ZFPM2: variants seen among roughly 807,000 people sequenced by gnomAD.
ZFPM2 encodes zinc finger protein, FOG family member 2, also known as zinc finger protein ZFPM2.
ZFPM2 carries 20 observed loss-of-function variants against 98.6 expected under a neutral mutation model. That is an observed-to-expected ratio of 0.20 (90% CI 0.14 to 0.29). The LOEUF (loss-of-function observed/expected upper bound fraction) is 0.29. Ranked by LOEUF, ZFPM2 falls within the 10% of genes least tolerant of loss-of-function variation. The pLI is 1.00. For missense variants in ZFPM2, 1,310 were observed against 1,388.6 expected (o/e 0.94, Z 0.90); for synonymous variants, 518 against 502.7 (o/e 1.03, Z -0.41).
chr8:105,796,615 G>T (rs753800980), intron 6 of ZFPM2, among the ~76,000 whole-genome samples: 1 of 151,434 alleles, frequency 6.6e-6, no homozygotes, highest in Non-Finnish European at 1.5e-5. Flanking sequence ...TCTCCTTATC[G>T]CCTTTAATGT....
chr8:105,583,124 T>C (rs1335440134), intron 4 of ZFPM2, among the ~76,000 whole-genome samples: 1 of 152,206 alleles, frequency 6.6e-6, no homozygotes, highest in East Asian at 1.9e-4. Context: ...GAAGCCAGTC[T>C]CTTTATTCCT....
At chr8:105,435,059 CAT>C (rs1812093862) in intron 2 of ZFPM2, among the ~76,000 whole-genome samples, 3 of 152,172 alleles carry the variant, frequency 2.0e-5, no homozygotes, top group Admixed American at 2.0e-4. Context: ...GATTCTGTTT[CAT>C]ATGTTTCAAA....
intron 1 of ZFPM2, among the ~76,000 whole-genome samples, chr8:105,371,751 CTAGAT>C (rs1298151582): frequency 1.3e-5 from 2 of 151,936 alleles, no homozygotes; most frequent in African/African-American, 4.8e-5. Flanking sequence ...AAATATGAGA[CTAGAT>C]TAGATTGTTA....
At chr8:105,777,592 G>A (rs966729010) in intron 5 of ZFPM2, among the ~76,000 whole-genome samples, 14 of 152,126 alleles carry the variant, frequency 9.2e-5, no homozygotes, top group Non-Finnish European at 1.9e-4. Flanking sequence ...GCCCTGCATT[G>A]CCTATATAGT....
chr8:105,442,823 T>A (rs1812281223), intron 2 of ZFPM2, among the ~76,000 whole-genome samples: 1 of 152,134 alleles, frequency 6.6e-6, no homozygotes, highest in Non-Finnish European at 1.5e-5. Flanking sequence ...TCATGTTAAA[T>A]GTCATTCATC....
intron 5 of ZFPM2, among the ~76,000 whole-genome samples, chr8:105,657,754 A>G (rs967613057): frequency 6.6e-6 from 1 of 152,224 alleles, no homozygotes; most frequent in Non-Finnish European, 1.5e-5. Context: ...CAATGTTATA[A>G]AGCTGGAGAA....
intron 4 of ZFPM2, among the ~76,000 whole-genome samples, chr8:105,575,970 A>G (rs1815456688): frequency 6.6e-6 from 1 of 152,188 alleles, no homozygotes; most frequent in Admixed American, 6.5e-5. Flanking sequence ...TAAGTGGGCT[A>G]TTTTTACTCT....
intron 4 of ZFPM2, among the ~76,000 whole-genome samples, chr8:105,585,668 A>G (rs190448099): frequency 6.6e-6 from 1 of 152,258 alleles, no homozygotes; most frequent in Admixed American, 6.5e-5. Context: ...ACTATACAGT[A>G]GGCAATTAGC....
chr8:105,752,495 CAGTT>C (rs1037249961), intron 5 of ZFPM2, among the ~76,000 whole-genome samples: 4 of 152,284 alleles, frequency 2.6e-5, no homozygotes, highest in South Asian at 2.1e-4. Flanking sequence ...AAACAGGAAA[CAGTT>C]GGTTGTTTGT....
At chr8:105,578,483 ATTC>A (rs1342551889) in intron 4 of ZFPM2, among the ~76,000 whole-genome samples, 1 of 152,102 alleles carries the variant, frequency 6.6e-6, no homozygotes, top group Non-Finnish European at 1.5e-5. Context: ...AATTCAGAGT[ATTC>A]TTAATATATA....
intron 1 of ZFPM2, among the ~76,000 whole-genome samples, chr8:105,322,631 G>A (rs981011019): frequency 1.3e-5 from 2 of 152,100 alleles, no homozygotes; most frequent in Non-Finnish European, 2.9e-5. Context: ...TTTTCAGAGC[G>A]TAGTGCATAA....
At chr8:105,401,904 T>C (rs1284575616) in intron 1 of ZFPM2, among the ~76,000 whole-genome samples, 1 of 152,158 alleles carries the variant, frequency 6.6e-6, no homozygotes, top group Non-Finnish European at 1.5e-5. Context: ...GTTTATGGAA[T>C]CTTGTAAAGA....
At chr8:105,743,769 C>T (rs533711224) in intron 5 of ZFPM2, among the ~76,000 whole-genome samples, 2 of 152,042 alleles carry the variant, frequency 1.3e-5, no homozygotes, top group South Asian at 2.1e-4. Context: ...TTCCTTCTGC[C>T]GTAAAATGAG....
chr8:105,414,635 CCTT>C (rs979862421), intron 1 of ZFPM2, among the ~76,000 whole-genome samples: 22 of 151,260 alleles, frequency 1.5e-4, no homozygotes, highest in African/African-American at 5.1e-4. Context: ...TTCTTTGTCA[CCTT>C]CTAGCTCTTA....
At chr8:105,403,711 G>A (rs1811384368) in intron 1 of ZFPM2, among the ~76,000 whole-genome samples, 1 of 151,866 alleles carries the variant, frequency 6.6e-6, no homozygotes, top group Admixed American at 6.6e-5. Flanking sequence ...TAAAGCAGAG[G>A]ATTAATGGAC....
intron 4 of ZFPM2, among the ~76,000 whole-genome samples, chr8:105,592,071 T>C (rs778661476): frequency 6.6e-6 from 1 of 151,170 alleles, no homozygotes; most frequent in Non-Finnish European, 1.5e-5. Flanking sequence ...CTCTGAAAAA[T>C]GGTTAAATTC....
At chr8:105,663,644 A>G (rs1442069632) in intron 5 of ZFPM2, among the ~76,000 whole-genome samples, 1 of 152,200 alleles carries the variant, frequency 6.6e-6, no homozygotes, top group African/African-American at 2.4e-5. Flanking sequence ...TGCTTTTACC[A>G]TCTCATTGAA....
chr8:105,749,522 C>G (rs1298628328), intron 5 of ZFPM2, among the ~76,000 whole-genome samples: 6 of 152,174 alleles, frequency 3.9e-5, no homozygotes, highest in Non-Finnish European at 7.4e-5. Flanking sequence ...CCCTTGCGTA[C>G]TTTGCAGGAC....
chr8:105,688,970 C>T (rs1810812389), intron 5 of ZFPM2, among the ~76,000 whole-genome samples: 1 of 152,126 alleles, frequency 6.6e-6, no homozygotes, highest in African/African-American at 2.4e-5. Flanking sequence ...ATGGTGGCTC[C>T]ACCCCACCTA....
Sources: gnomAD v4.1 joint callset for allele counts (sites outside exome capture counted in the v4.1 genomes callset) on GRCh38, gnomAD v4.1.1 for gene constraint, MANE v1.5 for transcripts, NCBI Gene and HGNC (gene_info 2026-07-23, HGNC 2026-07-21) for gene names.